The following PALM2AKAP2 variants were observed in gnomAD, a reference collection of about 807,000 sequenced individuals.
PALM2AKAP2 encodes PALM2 and AKAP2 fusion.
A neutral mutation model predicts 71.5 loss-of-function variants in PALM2AKAP2; 37 were observed. The ratio of observed to expected loss-of-function variants is 0.52; its 90% confidence interval spans 0.40 to 0.68. The LOEUF (loss-of-function observed/expected upper bound fraction) is 0.68. PALM2AKAP2 is among the 30% of genes least tolerant of loss of function. The pLI is 0.00. For synonymous variants in PALM2AKAP2, 468 were observed against 478.8 expected, an observed-to-expected ratio of 0.98 and a Z score of 0.29; for missense variants, 1,224 against 1,191.8, an observed-to-expected ratio of 1.03 and a Z score of -0.40.
intron 3 of PALM2AKAP2, among the ~76,000 whole-genome samples, chr9:109,881,361 C>A (rs767673214): frequency 9.9e-5 from 15 of 152,220 alleles, no homozygotes; most frequent in Non-Finnish European, 2.1e-4. Context: ...TAGCTTTCAT[C>A]TTTTTCCTCC....
rs563230641 is a variant in PALM2AKAP2 at position 109,867,725 on chromosome 9, G to A, written c.126+154G>A. Among the ~76,000 whole-genome samples, 4 of 152,304 alleles carry A rather than the reference G, an allele frequency of 2.6e-5. No individual in the cohort carries two copies. The East Asian group carries it at 7.7e-4, about 29-fold the overall frequency. ...GAAACCATCTCTTGGCTTTTCTTGT[G>A]AATTTCTCAAATTCAGGGCATTATT... On this transcript the variant is annotated intron_variant, in intron 2 of 9. Coordinates refer to the PALM2AKAP2 transcript ENST00000302798.
chr9:109,831,438 C>T (rs923548033), intron 1 of PALM2AKAP2, among the ~76,000 whole-genome samples: 1 of 141,506 alleles, frequency 7.1e-6, no homozygotes, highest in Non-Finnish European at 1.6e-5. Flanking sequence ...CACTTGACAC[C>T]CCTAGGCTAC....
intron 1 of PALM2AKAP2, among the ~76,000 whole-genome samples, chr9:109,702,153 C>G (rs1398363871): frequency 1.3e-5 from 2 of 152,072 alleles, no homozygotes; most frequent in Non-Finnish European, 2.9e-5. Context: ...GGACTGTAAA[C>G]TAGTTCAACC....
chr9:109,963,189 G>A (rs1831883350), intron 6 of PALM2AKAP2, among the ~76,000 whole-genome samples: 1 of 152,132 alleles, frequency 6.6e-6, no homozygotes, highest in African/African-American at 2.4e-5. Flanking sequence ...CTGAGCAAAG[G>A]GCCTGAAATA....
intron 1 of PALM2AKAP2, among the ~76,000 whole-genome samples, chr9:110,130,774 C>A (rs1213837290): frequency 2.0e-5 from 3 of 152,306 alleles, no homozygotes; most frequent in Non-Finnish European, 1.5e-5. Flanking sequence ...ACCTCAAACA[C>A]CATCCCTAAG....
chr9:110,021,008 A>G (rs1211280955), intron 7 of PALM2AKAP2, among the ~76,000 whole-genome samples: 2 of 152,194 alleles, frequency 1.3e-5, no homozygotes, highest in African/African-American at 4.8e-5. Context: ...CCGGAGGCTG[A>G]AGCACGAGAA....
At position 110,022,735 on chromosome 9, in the gene PALM2AKAP2, C is replaced by G. The variant is rs536457002; in HGVS notation, c.582+6696C>G. Among the ~76,000 whole-genome samples, 208 of 152,120 alleles carry G rather than the reference C, an allele frequency of 1.4e-3. 2 individuals carry two copies. Among genetic ancestry groups the G allele is most frequent in the Non-Finnish European group, 2.5e-3 (172 of 67,974 alleles). On this transcript the variant is annotated intron_variant, in intron 7 of 9. Transcript: ENST00000302798. ...TAATGCTATCCCTCCCCTCTCCCCC[C>G]ACCCCACAACAGTCCCCGGAGTGTG...
intron 1 of PALM2AKAP2, among the ~76,000 whole-genome samples, chr9:109,782,865 A>G (rs938703691): frequency 1.3e-5 from 2 of 151,716 alleles, no homozygotes; most frequent in Admixed American, 1.3e-4. Context: ...GTTTTATGCT[A>G]TGCTTTGGTC....
chr9:109,717,093 G>C (rs142264475), intron 1 of PALM2AKAP2, among the ~76,000 whole-genome samples: 222 of 152,240 alleles, frequency 1.5e-3, no homozygotes, highest in African/African-American at 5.1e-3. Context: ...CACAGACAGC[G>C]CTGGCAAGTT....
At chr9:109,693,873 A>G (rs138594959) in intron 1 of PALM2AKAP2, among the ~76,000 whole-genome samples, 9 of 152,166 alleles carry the variant, frequency 5.9e-5, no homozygotes, top group African/African-American at 2.2e-4. Context: ...TGTTTCATGT[A>G]TACTTGAAAT....
At chr9:109,838,108 C>T (rs1828534695) in intron 1 of PALM2AKAP2, among the ~76,000 whole-genome samples, 1 of 152,128 alleles carries the variant, frequency 6.6e-6, no homozygotes, top group Non-Finnish European at 1.5e-5. Flanking sequence ...TTATTTCAAA[C>T]TTGACCACTT....
intron 6 of PALM2AKAP2, among the ~76,000 whole-genome samples, chr9:109,974,943 A>T (rs577190698): frequency 6.6e-6 from 1 of 152,226 alleles, no homozygotes; most frequent in African/African-American, 2.4e-5. Context: ...CAAATGTCAC[A>T]TCTCCAGGGA....
chr9:110,115,174 A>AG (rs1397184469), intron 1 of PALM2AKAP2, among the ~76,000 whole-genome samples: 1 of 152,140 alleles, frequency 6.6e-6, no homozygotes, highest in Non-Finnish European at 1.5e-5. Flanking sequence ...CTTTTCCCAG[A>AG]GGATGGTCCA....
chr9:109,754,400 G>T (rs996194), intron 1 of PALM2AKAP2, among the ~76,000 whole-genome samples: 1 of 151,870 alleles, frequency 6.6e-6, no homozygotes, highest in East Asian at 1.9e-4. Context: ...TTTTTGTCTT[G>T]TTATGGTAAG....
At chr9:109,766,588 T>A (rs994094892) in intron 1 of PALM2AKAP2, among the ~76,000 whole-genome samples, 1 of 152,232 alleles carries the variant, frequency 6.6e-6, no homozygotes, top group Non-Finnish European at 1.5e-5. Flanking sequence ...TTATTGTGCA[T>A]GGATTTCATG....
intron 3 of PALM2AKAP2, among the ~76,000 whole-genome samples, 170 bp from the exon 10 acceptor site, chr9:110,161,924 A>G (rs1482202132): frequency 1.3e-5 from 2 of 151,970 alleles, no homozygotes; most frequent in Non-Finnish European, 2.9e-5. Context: ...GAATAGACTT[A>G]TAAATAAACT....
At chr9:109,955,483 G>C (rs949525915) in intron 6 of PALM2AKAP2, among the ~76,000 whole-genome samples, 1 of 152,144 alleles carries the variant, frequency 6.6e-6, no homozygotes, top group Non-Finnish European at 1.5e-5. Context: ...CACCTCAATA[G>C]TTCTGGAGGC....
At chr9:110,170,701 G>A (rs1446930023) in exon 4 of PALM2AKAP2, 1 of 152,090 alleles carries the variant, frequency 6.6e-6, no homozygotes, top group Non-Finnish European at 1.5e-5. Flanking sequence ...ATTTTATAGT[G>A]AGGGAGGTTG....
chr9:109,737,448 C>T (rs1182106397), intron 1 of PALM2AKAP2, among the ~76,000 whole-genome samples: 1 of 152,232 alleles, frequency 6.6e-6, no homozygotes, highest in African/African-American at 2.4e-5. Context: ...GTGTCACTCA[C>T]TCTGCTGAGT....
Sources: gnomAD v4.1 joint callset for allele counts (sites outside exome capture counted in the v4.1 genomes callset) on GRCh38, gnomAD v4.1.1 for gene constraint, MANE v1.5 for transcripts, NCBI Gene and HGNC (gene_info 2026-07-23, HGNC 2026-07-21) for gene names.